Variants in MINAR2 observed in about 807,000 individuals in gnomAD.
MINAR2 encodes membrane integral NOTCH2 associated receptor 2, also known as major intrinsically disordered NOTCH2-binding receptor 1-like.
Under a neutral mutation model 16.1 loss-of-function variants are expected in MINAR2, and 21 were observed. The observed-to-expected ratio is 1.31, with a 90% CI of 0.93 to 1.88. The LOEUF (loss-of-function observed/expected upper bound fraction) is 1.88, where lower values mean the gene tolerates loss of function less well. Ranked by LOEUF, MINAR2 falls within the 40% of genes most tolerant of loss-of-function variation. MINAR2 has a pLI of 0.00. For synonymous variants in MINAR2, 86 were observed against 83.0 expected, an observed-to-expected ratio of 1.04 and a Z score of -0.20; for missense variants, 259 against 229.8, an observed-to-expected ratio of 1.13 and a Z score of -0.82.
intron 1 of MINAR2, among the ~76,000 whole-genome samples, chr5:129,750,068 T>C (rs931524087): frequency 2.0e-5 from 3 of 152,178 alleles, no homozygotes; most frequent in Non-Finnish European, 4.4e-5. Context: ...CAATTATTAA[T>C]GCATGGAGTG....
intron 1 of MINAR2, among the ~76,000 whole-genome samples, chr5:129,759,847 C>G (rs1345679): frequency 0.93 from 140,881 of 152,208 alleles, 65,242 homozygotes; most frequent in East Asian, 1. Context: ...TACACACACA[C>G]ATGCTAAATT....
rs1758192783 is a variant in MINAR2, at chr5:129,765,071, G to A, written c.*8G>A. On this transcript the variant is annotated 3_prime_UTR_variant, in exon 3 of 3. Coordinates refer to ENST00000564719, the MANE Select transcript of MINAR2 (RefSeq NM_001257308.2). ...ATTACTTTTTTCACCTGAGGAAACT[G>A]CAACAATCAGAGCTACTTTAAATTT... 1 of 1,264,428 alleles carries A rather than the reference G, an allele frequency of 7.9e-7. No homozygotes were observed. Among genetic ancestry groups the A allele is most frequent in the African/African-American group, 1.5e-5 (1 of 65,628 alleles). 78.3% of individuals were successfully genotyped at this position (1,264,428 alleles called of 1,614,324 possible).
rs1758207372 is a variant in MINAR2, at chr5:129,766,016, TA to T, written c.*956del. 2.0e-5 allele frequency: 3 copies of T among 152,198 alleles called. No individual in the cohort carries two copies. The highest frequency in any genetic ancestry group is 4.4e-5 in the Non-Finnish European group (3 of 68,030). The allele number at this position is 152,198 out of a possible 1,614,324, so 9.4% of individuals were successfully genotyped here. A position where few individuals can be genotyped will look rare whatever the true frequency, so the allele number is the denominator to read the frequency against. On this transcript the variant is annotated 3_prime_UTR_variant, in exon 3 of 3. Transcript: ENST00000564719. ...GGCTCGAAATAAGCAGTTGCTTAATTAAAGGCAGTTGTTATTATTAATTTAT... is the reference window on the plus strand; with the variant it reads ...GGCTCGAAATAAGCAGTTGCTTAATTAAGGCAGTTGTTATTATTAATTTAT...
chr5:129,759,176 A>T (rs1758093327), intron 1 of MINAR2, among the ~76,000 whole-genome samples: 1 of 152,134 alleles, frequency 6.6e-6, no homozygotes, highest in African/African-American at 2.4e-5. Flanking sequence ...GCATCAGAGT[A>T]TTGATAATCA....
chr5:129,750,901 T>G (rs1163883634), intron 1 of MINAR2, among the ~76,000 whole-genome samples: 1 of 152,088 alleles, frequency 6.6e-6, no homozygotes, highest in African/African-American at 2.4e-5. Flanking sequence ...CCACATGAAA[T>G]CTACACAAAC....
intron 1 of MINAR2, among the ~76,000 whole-genome samples, chr5:129,750,218 T>C (rs1413585966): frequency 6.6e-6 from 1 of 152,196 alleles, no homozygotes; most frequent in African/African-American, 2.4e-5. Flanking sequence ...TTAAAATCCA[T>C]GATTGATATA....
intron 1 of MINAR2, among the ~76,000 whole-genome samples, chr5:129,753,477 T>A (rs1164490731): frequency 2.3e-5 from 1 of 43,504 alleles, no homozygotes; most frequent in Non-Finnish European, 3.7e-5. Context: ...AGCAAGACTG[T>A]CTCAAAAAAA....
chr5:129,749,709 A>C (rs1757963403), intron 1 of MINAR2, among the ~76,000 whole-genome samples: 1 of 152,194 alleles, frequency 6.6e-6, no homozygotes, highest in Non-Finnish European at 1.5e-5. Context: ...AGTCTAAGAA[A>C]ACATATCCAA....
At chr5:129,759,862 G>A (rs561459055) in intron 1 of MINAR2, among the ~76,000 whole-genome samples, 1 of 152,182 alleles carries the variant, frequency 6.6e-6, no homozygotes, top group East Asian at 1.9e-4. Flanking sequence ...TAAATTACAT[G>A]TACAGTGCTA....
At chr5:129,766,732 A>AG (rs1452689071), downstream of MINAR2, 1 of 152,044 alleles carries the variant, frequency 6.6e-6, no homozygotes, top group Non-Finnish European at 1.5e-5. Flanking sequence ...TAGAAAAAAA[A>AG]CGGCGTTAGT....
chr5:129,755,230 G>A (rs1758040484), intron 1 of MINAR2, among the ~76,000 whole-genome samples: 1 of 151,946 alleles, frequency 6.6e-6, no homozygotes, highest in South Asian at 2.1e-4. Flanking sequence ...TGTACATATT[G>A]TAGGATTCTG....
intron 1 of MINAR2, among the ~76,000 whole-genome samples, chr5:129,751,207 T>C (rs1757980623): frequency 6.6e-6 from 1 of 152,028 alleles, no homozygotes; most frequent in South Asian, 2.1e-4. Context: ...TACCATTCAA[T>C]CTATTTTTTT....
chr5:129,762,809 T>A, intron 2 of MINAR2: 1 of 170,984 alleles, frequency 5.8e-6, no homozygotes, highest in East Asian at 1.9e-4. Flanking sequence ...AAATCACATC[T>A]GATTATAAAA....
rs1210453871 is a variant in MINAR2 at position 129,765,223 on chromosome 5, G to A, written c.*160G>A. ...TGTAATTGTCCTGAAGAATGTGAAT[G>A]TCAGGCGTGGTATGCTGGCTTCTCC... On this transcript the variant is annotated 3_prime_UTR_variant, in exon 3 of 3. Coordinates refer to ENST00000564719, the MANE Select transcript of MINAR2 (RefSeq NM_001257308.2). 1.4e-5 allele frequency: 6 copies of A among 433,618 alleles called. No homozygotes were observed. The Admixed American group carries it at 1.8e-4, about 13-fold the overall frequency. The allele number at this position is 433,618 out of a possible 1,614,324, so 26.9% of individuals were successfully genotyped here.
At chr5:129,764,172 T>C (rs1190462025) in intron 2 of MINAR2, among the ~76,000 whole-genome samples, 1 of 152,170 alleles carries the variant, frequency 6.6e-6, no homozygotes, top group Non-Finnish European at 1.5e-5. Flanking sequence ...TTGATAATTC[T>C]ATGGGCCTGA....
At chr5:129,757,595 T>C (rs1456714615) in intron 1 of MINAR2, among the ~76,000 whole-genome samples, 1 of 152,018 alleles carries the variant, frequency 6.6e-6, no homozygotes, top group Non-Finnish European at 1.5e-5. Context: ...TTTTTTGTAG[T>C]CTTTTTAAAG....
rs61546560 is a variant in MINAR2, at chr5:129,766,657, C to CAAAAAAAAAAA, written c.*1597_*1598insAAAAAAAAAAA. ...CATAAAAAAAAAAAAAAAAAAAAAA[C>CAAAAAAAAAAA]AAACAAACAAACAAAAAAAACCCCA... On this transcript the variant is annotated 3_prime_UTR_variant, in exon 3 of 3. Transcript: ENST00000564719. 3 of 111,670 alleles carry CAAAAAAAAAAA rather than the reference C, an allele frequency of 2.7e-5. No individual in the cohort carries two copies. The highest frequency in any genetic ancestry group is 8.1e-5 in the African/African-American group (2 of 24,844). 6.9% of individuals were successfully genotyped at this position (111,670 alleles called of 1,614,324 possible).
intron 1 of MINAR2, among the ~76,000 whole-genome samples, chr5:129,754,659 T>C (rs1479815540): frequency 6.6e-6 from 1 of 152,188 alleles, no homozygotes; most frequent in Non-Finnish European, 1.5e-5. Context: ...ATTTTTCTCT[T>C]GGTAATAGTA....
At chr5:129,756,563 G>A (rs1758056219) in intron 1 of MINAR2, among the ~76,000 whole-genome samples, 1 of 152,012 alleles carries the variant, frequency 6.6e-6, no homozygotes, top group Non-Finnish European at 1.5e-5. Context: ...ATATCAGTGA[G>A]AACATACGAT....
Sources: gnomAD v4.1 joint callset for allele counts (sites outside exome capture counted in the v4.1 genomes callset) on GRCh38, gnomAD v4.1.1 for gene constraint, MANE v1.5 for transcripts, NCBI Gene and HGNC (gene_info 2026-07-23, HGNC 2026-07-21) for gene names.